MANBA: variants seen among roughly 807,000 people sequenced by gnomAD.
MANBA encodes the protein beta-mannosidase.
A neutral mutation model predicts 111.1 loss-of-function variants in MANBA; 83 were observed. The observed-to-expected ratio is 0.75, with a 90% CI of 0.63 to 0.90. MANBA has a LOEUF of 0.90. Among genes scored for constraint, MANBA ranks in the 40% least tolerant of loss-of-function variants. MANBA has a pLI of 0.00. For missense variants in MANBA, 1,036 were observed against 1,069.0 expected (o/e 0.97, Z 0.43); for synonymous variants, 370 against 378.7 (o/e 0.98, Z 0.27).
chr4:102,754,167 C>T (rs886087020), intron 1 of MANBA, among the ~76,000 whole-genome samples: 2 of 152,078 alleles, frequency 1.3e-5, no homozygotes, highest in Non-Finnish European at 2.9e-5. Flanking sequence ...AAATAATATT[C>T]AAATCTAGCA....
At chr4:102,638,572 G>A (rs1409263929) in intron 14 of MANBA, among the ~76,000 whole-genome samples, 4 of 152,114 alleles carry the variant, frequency 2.6e-5, no homozygotes, top group African/African-American at 9.7e-5. Context: ...CCCATTTCTT[G>A]AATCGAACTC....
chr4:102,688,242 C>T (rs552654660), intron 7 of MANBA, among the ~76,000 whole-genome samples: 80 of 152,090 alleles, frequency 5.3e-4, no homozygotes, highest in African/African-American at 1.7e-3. Context: ...GCCCTTAAGA[C>T]GGGTCCAGGA....
rs1030934042 is a variant in MANBA, at chr4:102,729,832, G to A, written c.178-3149C>T. 2.2e-5 allele frequency: 29 copies of A among 1,311,084 alleles called. No individual in the cohort carries two copies. The Admixed American group carries it at 4.9e-4, about 22-fold the overall frequency. 81.2% of individuals were successfully genotyped at this position (1,311,084 alleles called of 1,614,324 possible). ...TTAGTCTCCAGCATCTTGTTCTACTGCTCCAGGAACCATACCTTGTCTATG... is the reference window on the plus strand; with the variant it reads ...TTAGTCTCCAGCATCTTGTTCTACTACTCCAGGAACCATACCTTGTCTATG... On this transcript the variant is annotated intron_variant, in intron 1 of 16. Transcript: ENST00000647097.
At chr4:102,724,419 C>T (rs1218525649) in intron 2 of MANBA, among the ~76,000 whole-genome samples, 3 of 151,834 alleles carry the variant, frequency 2.0e-5, no homozygotes, top group African/African-American at 7.3e-5. Context: ...ACTAGCCAGG[C>T]GTGGTGGCGG....
At chr4:102,639,950 T>C in intron 13 of MANBA, 93 bp from the exon 14 acceptor site, 1 of 1,435,264 alleles carries the variant, frequency 7.0e-7, no homozygotes, top group Non-Finnish European at 9.8e-7. Flanking sequence ...TGTTTTGGGT[T>C]TTTTCTTTTT....
chr4:102,756,654 A>T (rs1308859648), intron 1 of MANBA, among the ~76,000 whole-genome samples: 1 of 151,994 alleles, frequency 6.6e-6, no homozygotes, highest in Non-Finnish European at 1.5e-5. Context: ...ATAAAAAATA[A>T]AAATAAATAA....
At chr4:102,707,738 G>C (rs1404260266) in intron 5 of MANBA, among the ~76,000 whole-genome samples, 1 of 151,972 alleles carries the variant, frequency 6.6e-6, no homozygotes, top group Non-Finnish European at 1.5e-5. Flanking sequence ...TTAAAAACAT[G>C]ACCAAACTAT....
rs735403 is a variant in MANBA, at chr4:102,632,386, C to T, written c.2416-105G>A. On this transcript the variant is annotated intron_variant, in intron 16 of 16. Transcript: ENST00000647097. ...TTATGTGGGCTTAACAAGGAGTCCA[C>T]TTCCCACAACTTTGGTTCTACAACT... The T allele has an allele frequency of 0.53, 472,581 of 899,636 alleles. 126,445 individuals are homozygous for T. The highest frequency in any genetic ancestry group is 0.68 in the Admixed American group (33,620 of 49,140). 55.7% of individuals were successfully genotyped at this position (899,636 alleles called of 1,614,324 possible). A position where few individuals can be genotyped will look rare whatever the true frequency, so the allele number is the denominator to read the frequency against.
At chr4:102,643,039 C>T (rs1729950208) in intron 13 of MANBA, among the ~76,000 whole-genome samples, 1 of 152,154 alleles carries the variant, frequency 6.6e-6, no homozygotes, top group South Asian at 2.1e-4. Flanking sequence ...GGTTGCACAA[C>T]TCTTTCCACT....
At chr4:102,731,773 G>A (rs7670680) in intron 1 of MANBA, among the ~76,000 whole-genome samples, 3 of 151,636 alleles carry the variant, frequency 2.0e-5, no homozygotes, top group Non-Finnish European at 4.4e-5. Context: ...TTTACTGAAC[G>A]TGTTTGCTAA....
At chr4:102,633,156 T>C (rs1729464203) in intron 16 of MANBA, 3 of 385,180 alleles carry the variant, frequency 7.8e-6, no homozygotes, top group African/African-American at 4.6e-5. Context: ...CCTATATTGA[T>C]AGAAGCAGAA....
At chr4:102,718,532 G>A (rs946080880) in intron 4 of MANBA, among the ~76,000 whole-genome samples, 5 of 152,274 alleles carry the variant, frequency 3.3e-5, no homozygotes, top group Middle Eastern at 3.4e-3. Context: ...AGATGTAAAC[G>A]GAAAACAAGG....
intron 5 of MANBA, among the ~76,000 whole-genome samples, chr4:102,698,789 G>A (rs1442018670): frequency 2.7e-5 from 4 of 150,920 alleles, no homozygotes; most frequent in Non-Finnish European, 5.9e-5. Context: ...GTCAGGTAGT[G>A]TGATGCCTCC....
chr4:102,755,771 T>G (rs1345249872), intron 1 of MANBA, among the ~76,000 whole-genome samples: 1 of 151,924 alleles, frequency 6.6e-6, no homozygotes, highest in African/African-American at 2.4e-5. Context: ...TTCAACAAAT[T>G]TACAAGAAAA....
chr4:102,666,442 T>A (rs1731221983), intron 10 of MANBA: 1 of 152,160 alleles, frequency 6.6e-6, no homozygotes, highest in Non-Finnish European at 1.5e-5. Flanking sequence ...GAGATGACAA[T>A]CTTGCAGAGG....
chr4:102,706,538 C>G lies in MANBA; in HGVS notation c.673+7900G>C, dbSNP rs554065302. On this transcript the variant is annotated intron_variant, in intron 5 of 16. Transcript: ENST00000647097. ...ATGCGTGGATATAAACATGAGGACA[C>G]AAGAAACATGCAAAAGCAAGGAAAT... Among the ~76,000 whole-genome samples, 136 of 152,014 alleles carry G rather than the reference C, an allele frequency of 8.9e-4. No homozygotes were observed. The Middle Eastern group carries it at 0.01, about 11-fold the overall frequency.
chr4:102,669,454 T>C (rs1366871938), intron 9 of MANBA, among the ~76,000 whole-genome samples: 1 of 152,208 alleles, frequency 6.6e-6, no homozygotes, highest in Non-Finnish European at 1.5e-5. Context: ...TATAAAGGAA[T>C]TAGCTTTTCA....
chr4:102,652,392 A>G (rs2110204905), intron 12 of MANBA, among the ~76,000 whole-genome samples: 1 of 152,228 alleles, frequency 6.6e-6, no homozygotes, highest in East Asian at 1.9e-4. Flanking sequence ...CTTATTTGTA[A>G]TAATTTGAAT....
intron 5 of MANBA, among the ~76,000 whole-genome samples, chr4:102,697,497 T>A (rs1732776293): frequency 8.8e-6 from 1 of 113,014 alleles, no homozygotes; most frequent in Non-Finnish European, 1.8e-5. Context: ...CCCAATGCTA[T>A]CCCTCCCCCC....
Sources: gnomAD v4.1 joint callset for allele counts (sites outside exome capture counted in the v4.1 genomes callset) on GRCh38, gnomAD v4.1.1 for gene constraint, MANE v1.5 for transcripts, NCBI Gene and HGNC (gene_info 2026-07-23, HGNC 2026-07-21) for gene names.